Variants in RBFOX1 observed in about 807,000 individuals in gnomAD.
RBFOX1 encodes RNA binding protein fox-1 homolog 1.
RBFOX1 carries 8 observed loss-of-function variants against 57.7 expected under a neutral mutation model. The observed-to-expected ratio is 0.14, with a 90% CI of 0.08 to 0.25. RBFOX1 has a LOEUF of 0.25. RBFOX1 is among the 10% of genes least tolerant of loss of function. The pLI is 1.00. For missense variants in RBFOX1, 611 were observed against 548.5 expected (o/e 1.11, Z -1.14); for synonymous variants, 326 against 222.4 (o/e 1.47, Z -4.15).
chr16:7,441,533 C>A (rs932223737), intron 4 of RBFOX1, among the ~76,000 whole-genome samples: 2 of 152,074 alleles, frequency 1.3e-5, no homozygotes, highest in African/African-American at 4.8e-5. Context: ...ACTATAATAT[C>A]TTTTTCACGT....
chr16:7,488,395 C>T (rs2065978228), intron 4 of RBFOX1, among the ~76,000 whole-genome samples: 1 of 151,720 alleles, frequency 6.6e-6, no homozygotes, highest in Non-Finnish European at 1.5e-5. Flanking sequence ...ATATATGGAC[C>T]TCTATATCTA....
intron 1 of RBFOX1, among the ~76,000 whole-genome samples, chr16:5,441,765 G>T (rs192139191): frequency 1.3e-5 from 2 of 152,278 alleles, no homozygotes; most frequent in East Asian, 3.9e-4. Context: ...TTCTTCACAT[G>T]GCAGCAGGGA....
chr16:7,645,509 G>A (rs1037934113), intron 11 of RBFOX1, among the ~76,000 whole-genome samples: 1 of 152,154 alleles, frequency 6.6e-6, no homozygotes, highest in African/African-American at 2.4e-5. Flanking sequence ...ATAGACTGCA[G>A]CAACAAGCAG....
intron 2 of RBFOX1, among the ~76,000 whole-genome samples, chr16:6,520,575 G>GA (rs372166056): frequency 1.3e-5 from 2 of 152,060 alleles, no homozygotes; most frequent in Non-Finnish European, 2.9e-5. Flanking sequence ...TCTAACTTGT[G>GA]AAAAAAAATA....
At chr16:5,455,573 G>C (rs2068604827) in intron 1 of RBFOX1, among the ~76,000 whole-genome samples, 1 of 152,112 alleles carries the variant, frequency 6.6e-6, no homozygotes, top group African/African-American at 2.4e-5. Context: ...TACATTTTCA[G>C]TATGCCTTTT....
At chr16:6,056,595 A>C (rs976263355) in intron 1 of RBFOX1, among the ~76,000 whole-genome samples, 8 of 152,144 alleles carry the variant, frequency 5.3e-5, no homozygotes, top group African/African-American at 1.9e-4. Context: ...TTACTTCCTA[A>C]TTCCTGGTGG....
intron 3 of RBFOX1, among the ~76,000 whole-genome samples, chr16:6,677,175 G>C (rs879128430): frequency 1.3e-5 from 2 of 152,056 alleles, no homozygotes; most frequent in African/African-American, 2.4e-5. Context: ...TTCAATGAAA[G>C]TACCAAGTTC....
At chr16:5,463,615 C>A (rs189951900) in intron 1 of RBFOX1, among the ~76,000 whole-genome samples, 36 of 151,972 alleles carry the variant, frequency 2.4e-4, no homozygotes, top group South Asian at 8.3e-4. Flanking sequence ...GTCTGGCCAA[C>A]GTGGTGAAAC....
chr16:5,524,544 CTT>C lies in RBFOX1; in HGVS notation c.258+57303_258+57304del, dbSNP rs35257382. Among the ~76,000 whole-genome samples, 653 of 139,912 alleles carry C rather than the reference CTT, an allele frequency of 4.7e-3. 4 individuals carry two copies. The highest frequency in any genetic ancestry group is 6.8e-3 in the Non-Finnish European group (441 of 64,790). 91.8% of individuals were successfully genotyped at this position (139,912 alleles called of 152,430 possible). On this transcript the variant is annotated intron_variant, in intron 2 of 2. Coordinates refer to the RBFOX1 transcript ENST00000585867. Reference sequence around the variant, plus strand: ...GGATTGCTGGGTTGAGTAGTAGTTGCTTTTTTTTTTTTTTGAGACAGAGTCTT... The same window carrying C: ...GGATTGCTGGGTTGAGTAGTAGTTGCTTTTTTTTTTTTGAGACAGAGTCTT...
chr16:7,464,045 C>G (rs2150646562), intron 4 of RBFOX1, among the ~76,000 whole-genome samples: 1 of 152,340 alleles, frequency 6.6e-6, no homozygotes, highest in African/African-American at 2.4e-5. Flanking sequence ...GGCTGCTAAT[C>G]TTTTTGCATA....
chr16:6,720,989 A>G (rs554690537), intron 3 of RBFOX1, among the ~76,000 whole-genome samples: 1 of 152,306 alleles, frequency 6.6e-6, no homozygotes, highest in African/African-American at 2.4e-5. Flanking sequence ...AAGGATCATG[A>G]GGGCTAAGAT....
chr16:6,614,835 C>G (rs1301605585), intron 2 of RBFOX1, among the ~76,000 whole-genome samples: 1 of 152,162 alleles, frequency 6.6e-6, no homozygotes, highest in Non-Finnish European at 1.5e-5. Flanking sequence ...CCAGGGTTAC[C>G]TCATCTTAAC....
intron 3 of RBFOX1, among the ~76,000 whole-genome samples, chr16:5,613,725 T>C (rs942777719): frequency 1.3e-5 from 2 of 152,168 alleles, no homozygotes; most frequent in African/African-American, 4.8e-5. Flanking sequence ...AAGCAGTTGA[T>C]GCCTGAGGGC....
chr16:5,314,125 G>T (rs1450903581), intron 1 of RBFOX1, among the ~76,000 whole-genome samples: 1 of 152,202 alleles, frequency 6.6e-6, no homozygotes, highest in Non-Finnish European at 1.5e-5. Flanking sequence ...CTGATGAGCT[G>T]GGTGCTGTAT....
At chr16:5,457,812 C>T (rs1054419689) in intron 1 of RBFOX1, among the ~76,000 whole-genome samples, 1 of 152,212 alleles carries the variant, frequency 6.6e-6, no homozygotes, top group African/African-American at 2.4e-5. Context: ...TTTCTTTCCA[C>T]TGAACCATGA....
intron 5 of RBFOX1, 127 bp downstream of exon 5, chr16:7,518,516 C>G (rs867833320): frequency 3.0e-5 from 37 of 1,233,538 alleles, no homozygotes; most frequent in African/African-American, 2.9e-4. Context: ...TAAGCCCACC[C>G]TCATCATACC....
chr16:6,035,150 G>A (rs576817415), intron 1 of RBFOX1, among the ~76,000 whole-genome samples: 4 of 152,266 alleles, frequency 2.6e-5, no homozygotes, highest in African/African-American at 7.2e-5. Flanking sequence ...AACCAAAGAC[G>A]TCTCCAGATT....
At chr16:5,641,155 G>A (rs897547802) in intron 3 of RBFOX1, among the ~76,000 whole-genome samples, 5 of 145,244 alleles carry the variant, frequency 3.4e-5, no homozygotes, top group East Asian at 2.1e-4. Context: ...ACACACACAT[G>A]CATGTACACA....
intron 4 of RBFOX1, among the ~76,000 whole-genome samples, chr16:7,489,992 A>G (rs1325476485): frequency 1.3e-5 from 2 of 152,102 alleles, no homozygotes; most frequent in African/African-American, 4.8e-5. Context: ...TCTCTCTCCA[A>G]AATGCTCCTT....
Sources: gnomAD v4.1 joint callset for allele counts (sites outside exome capture counted in the v4.1 genomes callset) on GRCh38, gnomAD v4.1.1 for gene constraint, MANE v1.5 for transcripts, NCBI Gene and HGNC (gene_info 2026-07-23, HGNC 2026-07-21) for gene names.